Variants in PCDH15 observed in about 807,000 individuals in gnomAD.
PCDH15 encodes the protein protocadherin-15.
Under a neutral mutation model 178.5 loss-of-function variants are expected in PCDH15, and 129 were observed. The ratio of observed to expected loss-of-function variants is 0.72; its 90% CI spans 0.63 to 0.84. The LOEUF (loss-of-function observed/expected upper bound fraction) is 0.84. Among genes scored for constraint, PCDH15 ranks in the 40% least tolerant of loss-of-function variants. PCDH15 has a pLI of 0.00. For synonymous variants in PCDH15, 800 were observed against 732.0 expected (o/e 1.09, Z -1.50); for missense variants, 2,230 against 2,099.9 (o/e 1.06, Z -1.21).
At chr10:54,368,169 C>A (rs143980322) in intron 5 of PCDH15, among the ~76,000 whole-genome samples, 27 of 151,950 alleles carry the variant, frequency 1.8e-4, no homozygotes, top group Non-Finnish European at 3.1e-4. Flanking sequence ...AACATAATTT[C>A]TTCAAACTTT....
rs770490008 is a variant in PCDH15 at position 54,527,803 on chromosome 10, C to T, written c.157+9G>A. 1.3e-6 allele frequency: 2 copies of T among 1,597,406 alleles called. No homozygotes were observed. Among genetic ancestry groups the T allele is most frequent in the South Asian group, 1.1e-5 (1 of 89,554 alleles). ...GATAAGACATTTGTAAAATAAAAAACTCACTTACCATTCCGACTTTCTTCA... is the reference window on the plus strand; with the variant it reads ...GATAAGACATTTGTAAAATAAAAAATTCACTTACCATTCCGACTTTCTTCA... On this transcript the variant is annotated intron_variant, in intron 3 of 37. Coordinates refer to ENST00000644397, the MANE Select transcript of PCDH15 (RefSeq NM_001384140.1).
intron 2 of PCDH15, among the ~76,000 whole-genome samples, chr10:54,580,179 A>T (rs2133773939): frequency 6.6e-6 from 1 of 152,216 alleles, no homozygotes; most frequent in Non-Finnish European, 1.5e-5. Context: ...CAACAAGACC[A>T]AAAGTTGGGA....
intron 18 of PCDH15, among the ~76,000 whole-genome samples, chr10:54,040,250 T>C (rs891842206): frequency 6.6e-6 from 1 of 151,932 alleles, no homozygotes; most frequent in African/African-American, 2.4e-5. Context: ...TCCCATGTGT[T>C]GTGGGTGGGA....
At position 53,935,260 on chromosome 10, in the gene PCDH15, A is replaced by C. The variant is rs531547322; in HGVS notation, c.3373+3555T>G. ...AGATAAGCTTTTCTTAATGCACCAA[A>C]ACATAGGAAATAGTGTCTCTATAAT... On this transcript the variant is annotated intron_variant, in intron 25 of 37. Coordinates refer to ENST00000644397, the MANE Select transcript of PCDH15 (RefSeq NM_001384140.1). Among the ~76,000 whole-genome samples the C allele has an allele frequency of 9.8e-5, 15 of 152,342 alleles. No homozygotes were observed. The East Asian group carries it at 2.9e-3, about 29-fold the overall frequency.
intron 2 of PCDH15, among the ~76,000 whole-genome samples, chr10:55,103,815 C>G (rs941117328): frequency 6.6e-6 from 1 of 152,008 alleles, no homozygotes; most frequent in African/African-American, 2.4e-5. Flanking sequence ...GGTTTTAACT[C>G]ATGGGGTTCT....
At chr10:54,364,119 G>A (rs1256025256) in intron 5 of PCDH15, among the ~76,000 whole-genome samples, 1 of 151,844 alleles carries the variant, frequency 6.6e-6, no homozygotes, top group Non-Finnish European at 1.5e-5. Context: ...GGCTGAGGCA[G>A]GAGAATCGCT....
chr10:55,399,188 C>T (rs1445903084), intron 2 of PCDH15, among the ~76,000 whole-genome samples: 2 of 152,006 alleles, frequency 1.3e-5, no homozygotes, highest in African/African-American at 4.8e-5. Context: ...GTTAAATATG[C>T]TTTATTAACA....
Position 54,399,417 on chromosome 10 carries a change from T to C in PCDH15, c.158-20475A>G, listed in dbSNP as rs184461302. Among the ~76,000 whole-genome samples, 472 of 152,228 alleles carry C rather than the reference T, an allele frequency of 3.1e-3. 5 individuals carry two copies. The highest frequency in any genetic ancestry group is 0.011 in the African/African-American group (452 of 41,558). Reference sequence around the variant, plus strand: ...TATCAACAAAGAGTCATCAGACTTCTTGCATTTCTCCATAAGCTTGATGAC... The same window carrying C: ...TATCAACAAAGAGTCATCAGACTTCCTGCATTTCTCCATAAGCTTGATGAC... On this transcript the variant is annotated intron_variant, in intron 3 of 37. Coordinates refer to ENST00000644397, the MANE Select transcript of PCDH15 (RefSeq NM_001384140.1).
intron 1 of PCDH15, among the ~76,000 whole-genome samples, chr10:54,737,211 G>A (rs1206001355): frequency 1.3e-5 from 2 of 152,010 alleles, no homozygotes. Flanking sequence ...AGGTGCTGGC[G>A]CTGACCCAGT....
At chr10:53,905,330 TTTTTTC>T (rs1489102588) in intron 25 of PCDH15, 9 of 456,432 alleles carry the variant, frequency 2.0e-5, no homozygotes, top group Non-Finnish European at 3.1e-5. Flanking sequence ...ATATGTACAT[TTTTTTC>T]TTTTTCTTGT....
At chr10:54,783,389 T>G (rs1950552949) in intron 1 of PCDH15, among the ~76,000 whole-genome samples, 1 of 152,010 alleles carries the variant, frequency 6.6e-6, no homozygotes, top group East Asian at 1.9e-4. Context: ...TGAAGACATC[T>G]TTTGAAATAA....
At chr10:55,528,589 G>C (rs1219153521) in intron 2 of PCDH15, among the ~76,000 whole-genome samples, 1 of 152,064 alleles carries the variant, frequency 6.6e-6, no homozygotes, top group Admixed American at 6.6e-5. Flanking sequence ...GTATTCCATG[G>C]TGTATATGTG....
intron 18 of PCDH15, among the ~76,000 whole-genome samples, chr10:54,047,509 A>C (rs988579904): frequency 1.3e-5 from 2 of 151,928 alleles, no homozygotes; most frequent in Non-Finnish European, 2.9e-5. Flanking sequence ...TCTATTGCCC[A>C]TGTAGTGAGC....
At chr10:54,797,562 G>A (rs906283481) in intron 1 of PCDH15, among the ~76,000 whole-genome samples, 4 of 149,494 alleles carry the variant, frequency 2.7e-5, no homozygotes, top group African/African-American at 7.4e-5. Flanking sequence ...GATCATCTTA[G>A]GAAGTAATTG....
At chr10:54,984,097 G>T (rs568921114) in intron 2 of PCDH15, among the ~76,000 whole-genome samples, 1 of 152,306 alleles carries the variant, frequency 6.6e-6, no homozygotes, top group East Asian at 1.9e-4. Context: ...TGAAGGGACT[G>T]TCAGGGCTCA....
chr10:55,301,791 T>C (rs1309012646), intron 1 of PCDH15, among the ~76,000 whole-genome samples: 3 of 152,172 alleles, frequency 2.0e-5, no homozygotes, highest in African/African-American at 7.2e-5. Flanking sequence ...CTGTTGAAAT[T>C]CATTTTATTA....
At position 54,695,471 on chromosome 10, in the gene PCDH15, T is replaced by G. The variant is rs1383404975; in HGVS notation, c.-28-31181A>C. The stretch of plus-strand genomic sequence containing the variant: ...TGTAAGATGAAGTAGCAAGTGTTAA[T>G]GGGTAAGCTATAGCAACTTATCTGG... On this transcript the variant is annotated intron_variant, in intron 1 of 37. Transcript: ENST00000644397. Among the ~76,000 whole-genome samples the G allele has an allele frequency of 2.0e-5, 3 of 152,148 alleles. No individual in the cohort carries two copies. The East Asian group carries it at 5.8e-4, about 29-fold the overall frequency.
intron 2 of PCDH15, among the ~76,000 whole-genome samples, chr10:54,595,986 G>A (rs1461399140): frequency 6.6e-6 from 1 of 152,070 alleles, no homozygotes; most frequent in East Asian, 1.9e-4. Context: ...CCAATATTAT[G>A]ACTCATTGGT....
chr10:54,505,768 A>C (rs1347665362), intron 3 of PCDH15, among the ~76,000 whole-genome samples: 1 of 152,000 alleles, frequency 6.6e-6, no homozygotes, highest in Non-Finnish European at 1.5e-5. Flanking sequence ...CACGTTCTGC[A>C]CGTGTACCCC....
Sources: gnomAD v4.1 joint callset for allele counts (sites outside exome capture counted in the v4.1 genomes callset) on GRCh38, gnomAD v4.1.1 for gene constraint, MANE v1.5 for transcripts, NCBI Gene and HGNC (gene_info 2026-07-23, HGNC 2026-07-21) for gene names.